The following PALM2AKAP2 variants were observed in gnomAD, a reference collection of about 807,000 sequenced individuals.
The protein encoded by PALM2AKAP2 is PALM2 and AKAP2 fusion, also known as PALM2-AKAP2 fusion protein.
In PALM2AKAP2, 37 loss-of-function variants were observed where a neutral mutation model predicts 71.5. The observed-to-expected ratio is 0.52, with a 90% CI of 0.40 to 0.68. The LOEUF is 0.68. Among genes scored for constraint, PALM2AKAP2 ranks in the 30% least tolerant of loss-of-function variants. The probability of loss-of-function intolerance (pLI) is 0.00; values close to 1 mark genes in which losing one functional copy is unlikely to be tolerated. For synonymous variants in PALM2AKAP2, 468 were observed against 478.8 expected (o/e 0.98, Z 0.29); for missense variants, 1,224 against 1,191.8 (o/e 1.03, Z -0.40).
At chr9:109,968,717 GC>G (rs1425219617) in intron 6 of PALM2AKAP2, among the ~76,000 whole-genome samples, 1 of 152,170 alleles carries the variant, frequency 6.6e-6, no homozygotes, top group African/African-American at 2.4e-5. Flanking sequence ...GTGGGGGGAA[GC>G]CCTAAGGAGT....
At chr9:110,074,378 A>G (rs921610011) in intron 1 of PALM2AKAP2, among the ~76,000 whole-genome samples, 2 of 152,114 alleles carry the variant, frequency 1.3e-5, no homozygotes, top group African/African-American at 4.8e-5. Flanking sequence ...AAGTACCCCA[A>G]ATTGAAGGAG....
At chr9:109,764,868 A>G (rs1829124464) in intron 1 of PALM2AKAP2, among the ~76,000 whole-genome samples, 1 of 152,348 alleles carries the variant, frequency 6.6e-6, no homozygotes, top group Middle Eastern at 3.4e-3. Context: ...TGGAACTACA[A>G]GGTGAAACCT....
intron 3 of PALM2AKAP2, among the ~76,000 whole-genome samples, chr9:109,896,412 A>G (rs1157518490): frequency 1.3e-5 from 2 of 152,160 alleles, no homozygotes; most frequent in East Asian, 1.9e-4. Flanking sequence ...GCATGACTTC[A>G]TACTGGTGGT....
At chr9:109,907,993 G>A (rs1208423806) in intron 3 of PALM2AKAP2, among the ~76,000 whole-genome samples, 7 of 152,188 alleles carry the variant, frequency 4.6e-5, no homozygotes. Flanking sequence ...CAGAGGTGCT[G>A]TTTATTCTTT....
chr9:110,049,168 T>A (rs1833660252), intron 1 of PALM2AKAP2, among the ~76,000 whole-genome samples: 1 of 152,162 alleles, frequency 6.6e-6, no homozygotes, highest in Non-Finnish European at 1.5e-5. Flanking sequence ...TCTCCCTGTA[T>A]ACACACAGAG....
Position 109,988,970 on chromosome 9 carries a change from T to C in PALM2AKAP2, c.497-26984T>C, listed in dbSNP as rs139087601. On this transcript the variant is annotated intron_variant, in intron 6 of 9. Coordinates refer to the PALM2AKAP2 transcript ENST00000302798. ...TTTGCTTGGCTCTCATTCTCTCTTG[T>C]CTGCCTCCATGTAAGATGTGCCTTT... is the stretch of plus-strand genomic sequence containing the variant. Among the ~76,000 whole-genome samples the C allele has an allele frequency of 3.0e-3, 462 of 152,294 alleles. 3 individuals are homozygous for C. Among genetic ancestry groups the C allele is most frequent in the African/African-American group, 0.01 (434 of 41,554 alleles).
intron 6 of PALM2AKAP2, among the ~76,000 whole-genome samples, chr9:109,986,377 T>C (rs751089995): frequency 1.3e-5 from 2 of 152,234 alleles, no homozygotes; most frequent in Non-Finnish European, 2.9e-5. Context: ...TCAGTTTCAT[T>C]GGTGATCCTT....
intron 1 of PALM2AKAP2, among the ~76,000 whole-genome samples, chr9:109,691,851 T>TATATATACACACACAC: frequency 2.8e-5 from 1 of 36,126 alleles, no homozygotes; most frequent in East Asian, 1.4e-3. Context: ...TATATATATA[T>TATATATACACACACAC]ATATATATAT....
At chr9:109,908,812 A>ATG (rs1830506587) in intron 3 of PALM2AKAP2, among the ~76,000 whole-genome samples, 1 of 106,378 alleles carries the variant, frequency 9.4e-6, no homozygotes, top group Admixed American at 8.3e-5. Context: ...GCGTGTGCAC[A>ATG]CACACACACA....
At chr9:109,759,981 T>C (rs182167352) in intron 1 of PALM2AKAP2, among the ~76,000 whole-genome samples, 4 of 152,274 alleles carry the variant, frequency 2.6e-5, no homozygotes, top group Admixed American at 2.6e-4. Flanking sequence ...TACATGCATA[T>C]AATTACCTCC....
intron 7 of PALM2AKAP2, 141 bp downstream of exon 7, chr9:110,016,180 G>GTA: frequency 1.2e-6 from 1 of 802,844 alleles, no homozygotes; most frequent in Non-Finnish European, 2.0e-6. Context: ...GTCTTAGGGA[G>GTA]GCAACCGTAC....
chr9:109,795,244 A>G (rs1043479901), intron 1 of PALM2AKAP2, among the ~76,000 whole-genome samples: 2 of 152,192 alleles, frequency 1.3e-5, no homozygotes, highest in South Asian at 2.1e-4. Flanking sequence ...CTTTGGGGAA[A>G]AAAATAACCC....
intron 3 of PALM2AKAP2, among the ~76,000 whole-genome samples, chr9:109,902,307 C>G (rs552312857): frequency 3.3e-5 from 5 of 152,354 alleles, no homozygotes; most frequent in African/African-American, 1.2e-4. Flanking sequence ...GCTTCTATAG[C>G]ACCCTTTCAT....
At chr9:109,742,578 A>G (rs932056047) in intron 1 of PALM2AKAP2, among the ~76,000 whole-genome samples, 3 of 152,188 alleles carry the variant, frequency 2.0e-5, no homozygotes, top group South Asian at 2.1e-4. Context: ...TCTGTGTTCT[A>G]TATGGCTCCC....
chr9:109,885,904 A>T (rs1829953559), intron 3 of PALM2AKAP2, among the ~76,000 whole-genome samples: 1 of 152,218 alleles, frequency 6.6e-6, no homozygotes, highest in South Asian at 2.1e-4. Context: ...TCTTGCTAAA[A>T]TTCAAAGTAA....
intron 1 of PALM2AKAP2, chr9:109,640,954 C>T (rs1827057398): frequency 2.1e-6 from 3 of 1,433,130 alleles, no homozygotes; most frequent in Non-Finnish European, 9.1e-7. Context: ...CCGCTCGGGT[C>T]CGCGTCCAGG....
chr9:109,843,502 G>A (rs1222455439), intron 1 of PALM2AKAP2, among the ~76,000 whole-genome samples: 2 of 151,904 alleles, frequency 1.3e-5, no homozygotes, highest in Non-Finnish European at 2.9e-5. Context: ...TGTATTACTT[G>A]TATTTATCAT....
In PALM2AKAP2 at chr9:109,724,959, G is replaced by A. The variant is rs527604618; in HGVS notation, c.6-55529G>A. Among the ~76,000 whole-genome samples, 6 of 152,158 alleles carry A rather than the reference G, an allele frequency of 3.9e-5. No homozygotes were observed. The South Asian group carries it at 8.3e-4, about 21-fold the overall frequency. ...AGCTAGGAAAATATTTGCAAAGTAC[G>A]GGAATTCTTACACATCAATAAAATA... On this transcript the variant is annotated intron_variant, in intron 1 of 6. Transcript: ENST00000374531.
chr9:110,017,783 A>G (rs1045320354), intron 7 of PALM2AKAP2, among the ~76,000 whole-genome samples: 1 of 149,742 alleles, frequency 6.7e-6, no homozygotes, highest in Admixed American at 6.7e-5. Flanking sequence ...GCTGGAGTGC[A>G]GTAGCGCAGA....
Sources: allele counts gnomAD v4.1 joint callset (sites outside exome capture counted in the v4.1 genomes callset), GRCh38; gene constraint gnomAD v4.1.1; transcripts MANE v1.5; gene names NCBI Gene and HGNC (gene_info 2026-07-23, HGNC 2026-07-21).